CACNA1B: variants seen among roughly 807,000 people sequenced by gnomAD.
CACNA1B encodes voltage-dependent N-type calcium channel subunit alpha-1B.
In CACNA1B, 70 loss-of-function variants were observed where a neutral mutation model predicts 247.2. The observed-to-expected ratio is 0.28, with a 90% CI of 0.23 to 0.35. The LOEUF (loss-of-function observed/expected upper bound fraction) is 0.35, where lower values mean the gene tolerates loss of function less well. Ranked by LOEUF, CACNA1B falls within the 10% of genes least tolerant of loss-of-function variation. CACNA1B has a pLI of 1.00. For synonymous variants in CACNA1B, 1,231 were observed against 1,294.4 expected, an observed-to-expected ratio of 0.95 and a Z score of 1.05; for missense variants, 2,367 against 3,197.4, an observed-to-expected ratio of 0.74 and a Z score of 6.26.
At chr9:138,074,719 T>G (rs544650401) in intron 34 of CACNA1B, among the ~76,000 whole-genome samples, 171 of 152,232 alleles carry the variant, frequency 1.1e-3, no homozygotes, top group Admixed American at 3.9e-3. Flanking sequence ...TCCCGCCCAG[T>G]GATGGTAGGG....
At chr9:138,042,014 T>TC (rs1370237277) in intron 20 of CACNA1B, among the ~76,000 whole-genome samples, 2 of 152,122 alleles carry the variant, frequency 1.3e-5, no homozygotes, top group Non-Finnish European at 1.5e-5. Context: ...AAGGGATCCC[T>TC]CCCACCTTGG....
intron 15 of CACNA1B, among the ~76,000 whole-genome samples, chr9:138,003,359 G>C (rs1958605368): frequency 6.6e-6 from 1 of 150,992 alleles, no homozygotes; most frequent in Non-Finnish European, 1.5e-5. Context: ...TTTTTTTGTA[G>C]ACAGGGTCTC....
chr9:138,004,315 G>A (rs886235226), intron 15 of CACNA1B, among the ~76,000 whole-genome samples: 9 of 151,896 alleles, frequency 5.9e-5, no homozygotes, highest in East Asian at 1.9e-4. Flanking sequence ...AGGAGGCTGA[G>A]GGGGGGCTGA....
At chr9:138,055,721 AAAAAC>A (rs1959470915) in intron 26 of CACNA1B, among the ~76,000 whole-genome samples, 1 of 152,194 alleles carries the variant, frequency 6.6e-6, no homozygotes, top group Non-Finnish European at 1.5e-5. Context: ...GGATTTTTTA[AAAAAC>A]AAAAACAAAA....
rs2133535203 is a variant in CACNA1B, at chr9:138,072,798, C to T, written c.4675-690C>T. On this transcript the variant is annotated intron_variant, in intron 32 of 46. Transcript: ENST00000371372. The surrounding 1 kb of genome is among the most constrained non-coding windows in gnomAD (Gnocchi z 4.5). ...TTTATCATTGTGCTTGATTTTGAGC[C>T]CCTTGGATGAGGGAGCTCCACTAGA... Among the ~76,000 whole-genome samples the T allele has an allele frequency of 6.6e-6, 1 of 152,334 alleles. No individual in the cohort carries two copies. The highest frequency in any genetic ancestry group is 2.4e-5 in the African/African-American group (1 of 41,580).
At chr9:137,958,977 TG>T (rs1347388656) in intron 10 of CACNA1B, among the ~76,000 whole-genome samples, 1 of 152,210 alleles carries the variant, frequency 6.6e-6, no homozygotes, top group African/African-American at 2.4e-5. Flanking sequence ...CTAGTGAGTT[TG>T]TTTGTAAATT....
intron 10 of CACNA1B, among the ~76,000 whole-genome samples, chr9:137,963,097 G>GCT (rs1313564411): frequency 1.3e-5 from 2 of 152,194 alleles, no homozygotes; most frequent in African/African-American, 4.8e-5. Context: ...AGGACACTTA[G>GCT]CTCTTCTTGT....
chr9:137,917,188 T>G lies in CACNA1B; in HGVS notation c.776-53T>G. On this transcript the variant is annotated intron_variant, in intron 5 of 46. Coordinates refer to ENST00000371372, the MANE Select transcript of CACNA1B (RefSeq NM_000718.4). The surrounding 1 kb of genome is among the most constrained non-coding windows in gnomAD (Gnocchi z 5.5). The stretch of plus-strand genomic sequence containing the variant: ...AGAGCCCAGGAATCCTGGTGGGGAT[T>G]GGAGAGCTTGGTATTTCTGAGCTCA... The G allele has an allele frequency of 2.0e-6, 3 of 1,527,414 alleles. No individual in the cohort carries two copies. The highest frequency in any genetic ancestry group is 2.3e-5 in the East Asian group (1 of 44,326). 94.6% of individuals were successfully genotyped at this position (1,527,414 alleles called of 1,614,324 possible).
chr9:138,101,077 C>T (rs1442474159), intron 37 of CACNA1B: 1 of 520,502 alleles, frequency 1.9e-6, no homozygotes, highest in Admixed American at 2.0e-5. Context: ...GCCTTTGTTG[C>T]CATAACCTGT....
chr9:138,075,931 A>C, intron 35 of CACNA1B, 21 bp downstream of exon 35: 1 of 1,530,212 alleles, frequency 6.5e-7, no homozygotes, highest in Non-Finnish European at 9.0e-7. Context: ...CGGTCAGCCC[A>C]GGCCAATGTC....
chr9:138,118,833 G>A, intron 44 of CACNA1B, 65 bp downstream of exon 44: 1 of 727,244 alleles, frequency 1.4e-6, no homozygotes, highest in Non-Finnish European at 2.3e-6. Flanking sequence ...GTGGGGCTGT[G>A]GCTCTGGGCC....
In CACNA1B at chr9:138,121,417, C is replaced by A. The variant is rs966241485; in HGVS notation, c.6490-52C>A. On this transcript the variant is annotated intron_variant, in intron 46 of 46. Coordinates refer to ENST00000371372, the MANE Select transcript of CACNA1B (RefSeq NM_000718.4). This position sits in a 1 kb window ranked among gnomAD's most constrained non-coding sequence, Gnocchi z 6.8. Reference sequence around the variant, plus strand: ...TGATGTGCTCTGTCTGTTGGTTCGGCTTTTTTTTTTTTTTTTTTACCTCTG... The same window carrying A: ...TGATGTGCTCTGTCTGTTGGTTCGGATTTTTTTTTTTTTTTTTTACCTCTG... 1.4e-5 allele frequency: 12 copies of A among 866,636 alleles called. No individual in the cohort carries two copies. The Admixed American group carries it at 3.0e-4, about 22-fold the overall frequency. The allele number at this position is 866,636 out of a possible 1,614,324, so 53.7% of individuals were successfully genotyped here.
At position 138,096,474 on chromosome 9, in the gene CACNA1B, T is replaced by C; in HGVS notation, c.5095-10T>C. 6.2e-7 allele frequency: 1 copy of C among 1,612,670 alleles called. No homozygotes were observed. Among genetic ancestry groups the C allele is most frequent in the Non-Finnish European group, 8.5e-7 (1 of 1,178,952 alleles). On this transcript the variant is annotated splice_polypyrimidine_tract_variant and intron_variant, in intron 36 of 46. Coordinates refer to ENST00000371372, the MANE Select transcript of CACNA1B (RefSeq NM_000718.4). ...TCTCTCCGTCACCTGTTCTCCTTCC[T>C]GTCCTGCAGATGTTGAACCTCTTTG... is the stretch of plus-strand genomic sequence containing the variant.
intron 39 of CACNA1B, among the ~76,000 whole-genome samples, chr9:138,107,236 T>G (rs1961460116): frequency 1.0e-5 from 1 of 95,810 alleles, no homozygotes; most frequent in Non-Finnish European, 2.1e-5. Context: ...ATTTATTTAT[T>G]TATTTATTTA....
chr9:137,983,821 C>T (rs1958321427), intron 12 of CACNA1B, among the ~76,000 whole-genome samples: 2 of 143,930 alleles, frequency 1.4e-5, no homozygotes, highest in Admixed American at 1.5e-4. Flanking sequence ...GGTATTAGAC[C>T]AGGTGGTTGT....
In CACNA1B at chr9:137,973,903, A is replaced by G. The variant is rs1166257861; in HGVS notation, c.1544-2004A>G. Among the ~76,000 whole-genome samples, 1 of 152,090 alleles carries G rather than the reference A, an allele frequency of 6.6e-6. No homozygotes were observed. The highest frequency in any genetic ancestry group is 1.5e-5 in the Non-Finnish European group (1 of 68,010). ...TGCATTTCTTGTACTTGTTCCTTGC[A>G]AAGTGCTCTCACTTTGGTCTCCTGG... is the stretch of plus-strand genomic sequence containing the variant. On this transcript the variant is annotated intron_variant, in intron 11 of 46. Coordinates refer to ENST00000371372, the MANE Select transcript of CACNA1B (RefSeq NM_000718.4). The surrounding 1 kb of genome is among the most constrained non-coding windows in gnomAD (Gnocchi z 4.1).
chr9:138,064,846 A>G (rs908595291), intron 31 of CACNA1B, among the ~76,000 whole-genome samples: 2 of 152,220 alleles, frequency 1.3e-5, no homozygotes, highest in African/African-American at 4.8e-5. Flanking sequence ...CCTCCCGTCA[A>G]CCCTGGCCTG....
intron 36 of CACNA1B, 106 bp from the exon 37 acceptor site, chr9:138,096,378 C>G (rs1282550288): frequency 1.1e-6 from 1 of 899,324 alleles, no homozygotes; most frequent in East Asian, 2.5e-5. Context: ...ATCAGAGTGA[C>G]CCCTGCTATC....
chr9:137,980,035 C>T (rs897300224), intron 12 of CACNA1B, among the ~76,000 whole-genome samples: 2 of 152,228 alleles, frequency 1.3e-5, no homozygotes, highest in African/African-American at 2.4e-5. Context: ...CCCTCTCACT[C>T]CCTTTGCTTT....
Sources: gnomAD v4.1 joint callset for allele counts (sites outside exome capture counted in the v4.1 genomes callset) on GRCh38, gnomAD v4.1.1 for gene constraint, Gnocchi (gnomAD v3.1) non-coding constraint, MANE v1.5 for transcripts, NCBI Gene and HGNC (gene_info 2026-07-23, HGNC 2026-07-21) for gene names.